Variants in CPA3 observed in about 807,000 individuals in gnomAD.
CPA3 encodes the protein carboxypeptidase A3.
Under a neutral mutation model 55.8 loss-of-function variants are expected in CPA3, and 52 were observed. That is an observed-to-expected ratio of 0.93 (90% CI 0.75 to 1.17). CPA3 has a LOEUF of 1.17. Among genes scored for constraint, CPA3 ranks in the 50% most tolerant of loss-of-function variants. CPA3 has a pLI of 0.00. For missense variants in CPA3, 547 were observed against 509.1 expected (o/e 1.07, Z -0.72); for synonymous variants, 179 against 171.2 (o/e 1.05, Z -0.36).
At chr3:148,875,379 T>C (rs1714177036) in intron 3 of CPA3, among the ~76,000 whole-genome samples, 1 of 152,190 alleles carries the variant, frequency 6.6e-6, no homozygotes. Context: ...CTTTTTAATA[T>C]TTTTATTGAA....
chr3:148,882,786 G>C (rs1052267592), intron 8 of CPA3, among the ~76,000 whole-genome samples, 191 bp downstream of exon 8: 14 of 152,068 alleles, frequency 9.2e-5, no homozygotes, highest in African/African-American at 3.4e-4. Flanking sequence ...AAATGAGGAG[G>C]AAGGGACTGT....
At chr3:148,886,576 T>G (rs1319697879) in intron 10 of CPA3, among the ~76,000 whole-genome samples, 1 of 151,684 alleles carries the variant, frequency 6.6e-6, no homozygotes, top group Non-Finnish European at 1.5e-5. Flanking sequence ...ATGCCTGTAG[T>G]CCCAGTTTCT....
In CPA3 at chr3:148,893,473, C is replaced by T. The variant is rs572641515; in HGVS notation, c.1067-3047C>T. On this transcript the variant is annotated intron_variant, in intron 10 of 10. Coordinates refer to ENST00000296046, the MANE Select transcript of CPA3 (RefSeq NM_001870.4). ...TAAAGACAGAGCAATATAATTCACT[C>T]GCTCTGAAGACAGAAAATAAACAAA... Among the ~76,000 whole-genome samples, 6 of 152,160 alleles carry T rather than the reference C, an allele frequency of 3.9e-5. No individual in the cohort carries two copies. In the South Asian group the frequency reaches 6.2e-4, roughly 16 times the overall value.
intron 10 of CPA3, among the ~76,000 whole-genome samples, chr3:148,887,357 G>T (rs1250339137): frequency 6.6e-6 from 1 of 152,148 alleles, no homozygotes; most frequent in Non-Finnish European, 1.5e-5. Context: ...GTCTTTACAA[G>T]TTAGGCACTG....
At chr3:148,892,856 T>TAGTCCCGGCTACTGGGGAGGCTG (rs58822169) in intron 10 of CPA3, among the ~76,000 whole-genome samples, 1 of 151,016 alleles carries the variant, frequency 6.6e-6, no homozygotes, top group Non-Finnish European at 1.5e-5. Context: ...CAGGCGCCTG[T>TAGTCCCGGCTACTGGGGAGGCTG]AGAGAGGAGA....
chr3:148,877,027 C>T (rs866702021), intron 3 of CPA3, among the ~76,000 whole-genome samples: 1 of 152,144 alleles, frequency 6.6e-6, no homozygotes, highest in Admixed American at 6.5e-5. Context: ...TAAAGCAGTA[C>T]CTGGCCTGTA....
intron 8 of CPA3, 75 bp from the exon 9 acceptor site, chr3:148,883,538 A>G (rs1005626808): frequency 1.7e-6 from 2 of 1,194,586 alleles, no homozygotes; most frequent in Non-Finnish European, 2.4e-6. Context: ...CTGTGAATCT[A>G]TAATACATTA....
At chr3:148,874,063 C>T (rs1366717099) in intron 3 of CPA3, among the ~76,000 whole-genome samples, 1 of 152,320 alleles carries the variant, frequency 6.6e-6, no homozygotes, top group African/African-American at 2.4e-5. Context: ...GTGAAAATAA[C>T]ATCTGGCCCC....
At chr3:148,872,529 C>T (rs1714095028) in intron 3 of CPA3, among the ~76,000 whole-genome samples, 1 of 152,160 alleles carries the variant, frequency 6.6e-6, no homozygotes, top group Admixed American at 6.5e-5. Context: ...CAAAAGAGAT[C>T]TATGCCAAAC....
chr3:148,886,194 A>G lies in CPA3; in HGVS notation c.1066+17A>G. On this transcript the variant is annotated intron_variant, in intron 10 of 10. Transcript: ENST00000296046. ...CAACAATTTGTAAGTCATTCCTCTT[A>G]TTTACTGAGCCCTTTTCCCTAATTA... The G allele has an allele frequency of 2.0e-6, 3 of 1,538,176 alleles. No homozygotes were observed. Among genetic ancestry groups the G allele is most frequent in the East Asian group, 2.3e-5 (1 of 44,290 alleles).
intron 10 of CPA3, 42 bp downstream of exon 10, chr3:148,886,219 AT>A: frequency 7.3e-7 from 1 of 1,373,100 alleles, no homozygotes; most frequent in Admixed American, 2.1e-5. Flanking sequence ...TTCCCTAATT[AT>A]TTTTTACAAA....
At chr3:148,868,426 A>G (rs1386735860) in intron 2 of CPA3, among the ~76,000 whole-genome samples, 1 of 152,204 alleles carries the variant, frequency 6.6e-6, no homozygotes, top group Middle Eastern at 3.2e-3. Flanking sequence ...TTGCCCAAGG[A>G]CATATTGCTA....
intron 3 of CPA3, among the ~76,000 whole-genome samples, chr3:148,877,493 T>TA (rs957389524): frequency 1.4e-4 from 20 of 146,022 alleles, no homozygotes; most frequent in Admixed American, 8.2e-4. Flanking sequence ...AAACTCCATC[T>TA]AAAAAAAAAA....
At chr3:148,874,134 G>T (rs772498050) in intron 3 of CPA3, among the ~76,000 whole-genome samples, 3 of 152,100 alleles carry the variant, frequency 2.0e-5, no homozygotes, top group African/African-American at 4.8e-5. Flanking sequence ...ATCTGGCACC[G>T]TTCTGATGTT....
Position 148,892,683 on chromosome 3 carries a change from C to A in CPA3, c.1067-3837C>A, listed in dbSNP as rs577001205. ...CAACAACAACAACAACAACAAAAAACCAAAGCAAAACTGTCTGGGTGTGGT... is the reference window on the plus strand; with the variant it reads ...CAACAACAACAACAACAACAAAAAAACAAAGCAAAACTGTCTGGGTGTGGT... On this transcript the variant is annotated intron_variant, in intron 10 of 10. Transcript: ENST00000296046. 2.0e-5 allele frequency among the ~76,000 whole-genome samples: 3 copies of A among 151,336 alleles called. No homozygotes were observed. In the South Asian group the frequency reaches 6.3e-4, roughly 32 times the overall value.
intron 10 of CPA3, among the ~76,000 whole-genome samples, chr3:148,892,177 TATG>T (rs1313261850): frequency 6.6e-6 from 1 of 152,130 alleles, no homozygotes; most frequent in Non-Finnish European, 1.5e-5. Flanking sequence ...GGGTACAATA[TATG>T]GATACTTCCT....
rs549266092 is a variant in CPA3, at chr3:148,869,786, T to C, written c.269+747T>C. The stretch of plus-strand genomic sequence containing the variant: ...CCCAGCAATGAATATCATAAATCAA[T>C]GTGTAATTTAGAAAATAAAATGTGT... On this transcript the variant is annotated intron_variant, in intron 3 of 10. Coordinates refer to ENST00000296046, the MANE Select transcript of CPA3 (RefSeq NM_001870.4). Among the ~76,000 whole-genome samples, 122 of 152,158 alleles carry C rather than the reference T, an allele frequency of 8.0e-4. 2 individuals are homozygous for C. The highest frequency in any genetic ancestry group is 2.9e-3 in the African/African-American group (119 of 41,524).
intron 2 of CPA3, among the ~76,000 whole-genome samples, chr3:148,867,695 T>C (rs1713942031): frequency 6.6e-6 from 1 of 152,188 alleles, no homozygotes; most frequent in Non-Finnish European, 1.5e-5. Flanking sequence ...ATATTGTCAC[T>C]TGATTGACCT....
At chr3:148,878,383 A>G in intron 3 of CPA3, 58 bp from the exon 4 acceptor site, 2 of 1,213,012 alleles carry the variant, frequency 1.6e-6, no homozygotes, top group Non-Finnish European at 2.4e-6. Context: ...AATGAAAGAT[A>G]ACTGTGTTTT....
Sources: gnomAD v4.1 joint callset for allele counts (sites outside exome capture counted in the v4.1 genomes callset) on GRCh38, gnomAD v4.1.1 for gene constraint, MANE v1.5 for transcripts, NCBI Gene and HGNC (gene_info 2026-07-23, HGNC 2026-07-21) for gene names.